COL4A3: variants seen among roughly 807,000 people sequenced by gnomAD.
COL4A3 encodes collagen alpha-3(IV) chain.
In COL4A3, 135 loss-of-function variants were observed where a neutral mutation model predicts 217.4. That is an observed-to-expected ratio of 0.62 (90% CI 0.54 to 0.72). The LOEUF (loss-of-function observed/expected upper bound fraction) is 0.72. Among genes scored for constraint, COL4A3 ranks in the 30% least tolerant of loss-of-function variants. The pLI is 0.00. For missense variants in COL4A3, 1,868 were observed against 2,119.9 expected (o/e 0.88, Z 2.33); for synonymous variants, 690 against 736.3 (o/e 0.94, Z 1.02).
At chr2:227,185,459 G>A (rs2125685205) in intron 1 of COL4A3, among the ~76,000 whole-genome samples, 1 of 152,276 alleles carries the variant, frequency 6.6e-6, no homozygotes, top group Admixed American at 6.5e-5. Flanking sequence ...AAGGGCAATT[G>A]TACACGTTGT....
chr2:227,295,750 G>A (rs1291261750), intron 41 of COL4A3, among the ~76,000 whole-genome samples: 4 of 152,022 alleles, frequency 2.6e-5, no homozygotes, highest in Admixed American at 2.0e-4. Flanking sequence ...TCCAGCTTGC[G>A]GTCCATGCTA....
rs368386489 is a variant in COL4A3, at chr2:227,245,928, C to G, written c.325-26C>G. ...AGTGCTGTTTCTTGGGATGACCCTC[C>G]TCATTGAGACTTGTTCTTCTTCCAG... On this transcript the variant is annotated intron_variant, in intron 5 of 51. Transcript: ENST00000396578. The G allele has an allele frequency of 3.1e-6, 5 of 1,601,006 alleles. No individual in the cohort carries two copies. In the African/African-American group the frequency reaches 6.7e-5, roughly 21 times the overall value.
At chr2:227,245,766 C>T in intron 5 of COL4A3, 188 bp from the exon 6 acceptor site, 1 of 660,010 alleles carries the variant, frequency 1.5e-6, no homozygotes, top group South Asian at 1.7e-5. Flanking sequence ...GATAAGTCTT[C>T]ATATCAGTCA....
At chr2:227,297,396 T>G (rs1177500986) in intron 41 of COL4A3, among the ~76,000 whole-genome samples, 1 of 152,178 alleles carries the variant, frequency 6.6e-6, no homozygotes, top group African/African-American at 2.4e-5. Flanking sequence ...ATTACCTTCA[T>G]TTTTTAAAAT....
At position 227,212,562 on chromosome 2, in the gene COL4A3, T is replaced by C. The variant is rs536040573; in HGVS notation, c.88-25406T>C. Reference sequence around the variant, plus strand: ...TGCCAGGTCTGCCATATATGAGGTTTCTACATATGGAGGACCCACTTCTGG... The same window carrying C: ...TGCCAGGTCTGCCATATATGAGGTTCCTACATATGGAGGACCCACTTCTGG... On this transcript the variant is annotated intron_variant, in intron 1 of 51. Transcript: ENST00000396578. 8.5e-5 allele frequency among the ~76,000 whole-genome samples: 13 copies of C among 152,340 alleles called. No homozygotes were observed. In the South Asian group the frequency reaches 2.7e-3, roughly 32 times the overall value.
rs35834157 is a variant in COL4A3 at position 227,226,475 on chromosome 2, G to GTTTT, written c.88-11483_88-11480dup. ...AAGTTTCTATTCTAATGTTAGGTTT[G>GTTTT]TTTTTTTTTTTTTAGATGGAGTCTT... is the stretch of plus-strand genomic sequence containing the variant. On this transcript the variant is annotated intron_variant, in intron 1 of 51. Transcript: ENST00000396578. Among the ~76,000 whole-genome samples the GTTTT allele has an allele frequency of 7.9e-3, 1,145 of 144,114 alleles. 13 individuals are homozygous for GTTTT. Among genetic ancestry groups the GTTTT allele is most frequent in the African/African-American group, 0.026 (1,008 of 39,262 alleles). The allele number at this position is 144,114 out of a possible 152,430, so 94.5% of individuals were successfully genotyped here.
chr2:227,260,471 T>G (rs529023724), intron 19 of COL4A3, among the ~76,000 whole-genome samples: 2 of 152,348 alleles, frequency 1.3e-5, no homozygotes, highest in Admixed American at 1.3e-4. Context: ...ACTAGAAGAT[T>G]GTAAAAACTC....
At chr2:227,198,648 A>G (rs1287040248) in intron 1 of COL4A3, among the ~76,000 whole-genome samples, 1 of 152,160 alleles carries the variant, frequency 6.6e-6, no homozygotes, top group Non-Finnish European at 1.5e-5. Flanking sequence ...AATGGGAAAA[A>G]AATTCCCTGA....
intron 34 of COL4A3, among the ~76,000 whole-genome samples, chr2:227,288,468 G>A (rs1574798890): frequency 6.6e-6 from 1 of 152,126 alleles, no homozygotes; most frequent in African/African-American, 2.4e-5. Flanking sequence ...TGGTTTCCTG[G>A]GACGTTTATG....
In COL4A3 at chr2:227,297,801, T is replaced by A. The variant is rs1223413594; in HGVS notation, c.3693T>A (p.Gly1231=). Residue 1231 remains glycine (G), a synonymous_variant, in exon 42 of 52, where the codon GGT becomes GGA. Transcript: ENST00000396578. ...EGFPGPPGLP[G]AIIPGQTGNR... ...TCCCAGGGCCACCAGGTCTGCCCGG[T>A]GCAATTATCCCTGGCCAGACAGGAA... is the stretch of plus-strand genomic sequence containing the variant. The A allele has an allele frequency of 4.4e-6, 7 of 1,573,362 alleles. No homozygotes were observed. The highest frequency in any genetic ancestry group is 6.0e-6 in the Non-Finnish European group (7 of 1,158,670).
chr2:227,172,880 C>T (rs2065542317), intron 1 of COL4A3, among the ~76,000 whole-genome samples: 1 of 152,140 alleles, frequency 6.6e-6, no homozygotes, highest in Admixed American at 6.5e-5. Flanking sequence ...AGGCACAGTG[C>T]CTGGCCCGGT....
In COL4A3 at chr2:227,290,763, G is replaced by A; in HGVS notation, c.3087G>A (p.Arg1029=). ...NMGMPGSKGK[R]GTLGFPGRAG... ...TAATTTCAGGTTCTAAAGGAAAAAG[G>A]GGAACTTTGGGATTCCCAGGTCGAG... is the stretch of plus-strand genomic sequence containing the variant. Residue 1029 remains arginine, a synonymous_variant, in exon 37 of 52, where the codon AGG becomes AGA. Coordinates refer to ENST00000396578, the MANE Select transcript of COL4A3 (RefSeq NM_000091.5). The A allele has an allele frequency of 2.5e-6, 4 of 1,613,216 alleles. No individual in the cohort carries two copies. Among genetic ancestry groups the A allele is most frequent in the Non-Finnish European group, 3.4e-6 (4 of 1,179,902 alleles).
intron 1 of COL4A3, among the ~76,000 whole-genome samples, chr2:227,199,915 C>A (rs1208410615): frequency 1.3e-5 from 2 of 152,354 alleles, no homozygotes; most frequent in African/African-American, 4.8e-5. Context: ...AAGAGCTTAT[C>A]TTTATATATG....
chr2:227,286,238 T>A (rs903692949), intron 34 of COL4A3, among the ~76,000 whole-genome samples: 1 of 151,726 alleles, frequency 6.6e-6, no homozygotes, highest in Admixed American at 6.6e-5. Context: ...ACGGCTGTAA[T>A]CCCAGTATTT....
At chr2:227,240,080 G>A in intron 2 of COL4A3, 63 bp from the exon 3 acceptor site, 2 of 1,239,410 alleles carry the variant, frequency 1.6e-6, no homozygotes, top group South Asian at 2.6e-5. Context: ...AATGGTTATT[G>A]GTGTGTTTAT....
intron 1 of COL4A3, among the ~76,000 whole-genome samples, chr2:227,199,496 A>C (rs986201985): frequency 2.0e-5 from 3 of 152,208 alleles, no homozygotes; most frequent in Non-Finnish European, 2.9e-5. Context: ...GATCAAACAG[A>C]CCTAAGGGAT....
intron 3 of COL4A3, among the ~76,000 whole-genome samples, chr2:227,244,087 G>A (rs2069179827): frequency 6.6e-6 from 1 of 152,162 alleles, no homozygotes; most frequent in Non-Finnish European, 1.5e-5. Flanking sequence ...TGCTAATGCT[G>A]CAGGCCCCAA....
At position 227,266,463 on chromosome 2, in the gene COL4A3, A is replaced by G. The variant is rs377373374; in HGVS notation, c.1362A>G (p.Pro454=). Residue 454 remains proline (P), a synonymous_variant, in exon 22 of 52, where the codon CCA becomes CCG. Transcript: ENST00000396578. ...GTCCACCTGGAGATCACGGACTGCC[A>G]GGCTATCTAGGGTCTCCAGGAATCC... ...RKGPPGDHGL[P]GYLGSPGIPG... 2.5e-6 allele frequency: 4 copies of G among 1,614,134 alleles called. No homozygotes were observed. The highest frequency in any genetic ancestry group is 1.1e-5 in the South Asian group (1 of 91,078).
intron 1 of COL4A3, among the ~76,000 whole-genome samples, chr2:227,171,758 C>A (rs1403737499): frequency 2.6e-5 from 4 of 152,094 alleles, no homozygotes; most frequent in African/African-American, 9.7e-5. Context: ...AAGGAGAGAC[C>A]AAGGCAAGTT....
Sources: allele counts gnomAD v4.1 joint callset (sites outside exome capture counted in the v4.1 genomes callset), GRCh38; gene constraint gnomAD v4.1.1; transcripts MANE v1.5; gene names NCBI Gene and HGNC (gene_info 2026-07-23, HGNC 2026-07-21).